Variants in ITGA9 observed in about 807,000 individuals in gnomAD.
ITGA9 encodes the protein integrin subunit alpha 9.
Under a neutral mutation model 127.8 loss-of-function variants are expected in ITGA9, and 56 were observed. The ratio of observed to expected loss-of-function variants is 0.44; its 90% CI spans 0.35 to 0.55. The LOEUF (loss-of-function observed/expected upper bound fraction) is 0.55, where lower values mean the gene tolerates loss of function less well. ITGA9 is among the 20% of genes least tolerant of loss of function. The pLI is 0.00. For synonymous variants in ITGA9, 508 were observed against 514.5 expected, an observed-to-expected ratio of 0.99 and a Z score of 0.17; for missense variants, 1,196 against 1,347.1, an observed-to-expected ratio of 0.89 and a Z score of 1.76.
In ITGA9 at chr3:37,560,286, C is replaced by CT. The variant is rs1303857333; in HGVS notation, c.1689+17707dup. Among the ~76,000 whole-genome samples, 174 of 152,270 alleles carry CT rather than the reference C, an allele frequency of 1.1e-3. 2 individuals are homozygous for CT. The highest frequency in any genetic ancestry group is 1.1e-3 in the Non-Finnish European group (72 of 68,024). On this transcript the variant is annotated intron_variant, in intron 15 of 27. Coordinates refer to ENST00000264741, the MANE Select transcript of ITGA9 (RefSeq NM_002207.3). Reference sequence around the variant, plus strand: ...TCCCTGCAAAGGACATGAACTCATCCTTTTTTATGGCTGCATAGTATTCCA... The same window carrying CT: ...TCCCTGCAAAGGACATGAACTCATCCTTTTTTTATGGCTGCATAGTATTCCA...
intron 14 of ITGA9, among the ~76,000 whole-genome samples, chr3:37,536,322 T>C (rs1348489041): frequency 6.6e-6 from 1 of 152,254 alleles, no homozygotes; most frequent in East Asian, 1.9e-4. Context: ...GTGCCAGCCC[T>C]GGGCAGGCCT....
intron 15 of ITGA9, among the ~76,000 whole-genome samples, chr3:37,551,938 A>C (rs1473111366): frequency 6.6e-6 from 1 of 152,238 alleles, no homozygotes; most frequent in Non-Finnish European, 1.5e-5. Context: ...TCGTGAAGGC[A>C]TAAGACCATG....
intron 15 of ITGA9, among the ~76,000 whole-genome samples, chr3:37,601,248 C>T (rs913374006): frequency 4.6e-5 from 7 of 152,200 alleles, no homozygotes; most frequent in South Asian, 4.1e-4. Flanking sequence ...TTTCTCCCTC[C>T]GTGACATCTT....
At chr3:37,551,524 C>T (rs1277031867) in intron 15 of ITGA9, among the ~76,000 whole-genome samples, 1 of 152,190 alleles carries the variant, frequency 6.6e-6, no homozygotes, top group African/African-American at 2.4e-5. Context: ...AGGGCTGGTC[C>T]TGCCCTTTTC....
At chr3:37,659,426 G>A (rs1052608590) in intron 17 of ITGA9, among the ~76,000 whole-genome samples, 16 of 151,382 alleles carry the variant, frequency 1.1e-4, no homozygotes, top group Non-Finnish European at 1.8e-4. Context: ...ATTTCATTAA[G>A]TTGATTTTCA....
chr3:37,646,553 AG>A (rs1700378661), intron 16 of ITGA9, among the ~76,000 whole-genome samples: 1 of 152,214 alleles, frequency 6.6e-6, no homozygotes, highest in Admixed American at 6.5e-5. Context: ...CCCGAGAGAA[AG>A]GTTTGAACCT....
intron 1 of ITGA9, among the ~76,000 whole-genome samples, chr3:37,466,441 C>T (rs141608535): frequency 0.023 from 3,110 of 135,570 alleles, 106 homozygotes; most frequent in African/African-American, 0.08. Context: ...CGGAGATCGC[C>T]GCACTGCACT....
rs113449348 is a variant in ITGA9 at position 37,588,611 on chromosome 3, T to A, written c.1690-40576T>A. ...AAGAGGGAGATGTGGAGACTGACCT[T>A]GGTCTCACAAACTCATTGCCCCTTG... On this transcript the variant is annotated intron_variant, in intron 15 of 27. Coordinates refer to ENST00000264741, the MANE Select transcript of ITGA9 (RefSeq NM_002207.3). Among the ~76,000 whole-genome samples, 485 of 152,300 alleles carry A rather than the reference T, an allele frequency of 3.2e-3. 3 individuals are homozygous for A. The highest frequency in any genetic ancestry group is 0.011 in the African/African-American group (460 of 41,566).
At chr3:37,789,167 C>A (rs367554021) in intron 26 of ITGA9, among the ~76,000 whole-genome samples, 1 of 152,076 alleles carries the variant, frequency 6.6e-6, no homozygotes, top group Non-Finnish European at 1.5e-5. Context: ...GTCAGCCTTA[C>A]GAGTCAGGAA....
intron 23 of ITGA9, among the ~76,000 whole-genome samples, chr3:37,764,171 G>A (rs1003725574): frequency 3.3e-5 from 5 of 152,078 alleles, no homozygotes; most frequent in Middle Eastern, 3.2e-3. Flanking sequence ...GAGAAGTTGA[G>A]CTATTACCTT....
intron 15 of ITGA9, among the ~76,000 whole-genome samples, chr3:37,608,273 A>T (rs1011792669): frequency 1.3e-5 from 2 of 152,232 alleles, no homozygotes; most frequent in Non-Finnish European, 2.9e-5. Context: ...AAGTGTTAAT[A>T]ATTTACCCAC....
chr3:37,525,790 A>AC (rs1315870010), intron 12 of ITGA9, among the ~76,000 whole-genome samples: 5 of 152,114 alleles, frequency 3.3e-5, no homozygotes, highest in African/African-American at 9.7e-5. Context: ...CACTCACAGC[A>AC]CCTCTCGACT....
intron 15 of ITGA9, among the ~76,000 whole-genome samples, chr3:37,557,429 T>C (rs1202158363): frequency 6.6e-6 from 1 of 152,184 alleles, no homozygotes; most frequent in African/African-American, 2.4e-5. Flanking sequence ...GCGCCCAGGC[T>C]GAGGAAACCC....
intron 14 of ITGA9, among the ~76,000 whole-genome samples, chr3:37,535,605 C>T (rs1699200447): frequency 6.6e-6 from 1 of 152,192 alleles, no homozygotes; most frequent in African/African-American, 2.4e-5. Context: ...CAATGCGAAG[C>T]AACCTGGCTT....
rs573909736 is a variant in ITGA9, at chr3:37,507,962, T to A, written c.829-597T>A. Among the ~76,000 whole-genome samples, 3 of 152,374 alleles carry A rather than the reference T, an allele frequency of 2.0e-5. No individual in the cohort carries two copies. The South Asian group carries it at 6.2e-4, about 32-fold the overall frequency. ...CGTCTTTGCAGTGGCGATGCATAGTTCACATGAACATGCTAAAGGCTCTAA... is the reference window on the plus strand; with the variant it reads ...CGTCTTTGCAGTGGCGATGCATAGTACACATGAACATGCTAAAGGCTCTAA... On this transcript the variant is annotated intron_variant, in intron 7 of 27. Transcript: ENST00000264741.
At chr3:37,756,853 A>C (rs1696657995) in intron 23 of ITGA9, among the ~76,000 whole-genome samples, 1 of 152,248 alleles carries the variant, frequency 6.6e-6, no homozygotes, top group Admixed American at 6.5e-5. Context: ...TAAAAACAAA[A>C]GGTTAGGCAA....
rs1045398799 is a variant in ITGA9, at chr3:37,694,829, A to C, written c.2067+10814A>C. 1.3e-4 allele frequency among the ~76,000 whole-genome samples: 20 copies of C among 152,374 alleles called. No homozygotes were observed. In the East Asian group the frequency reaches 3.9e-3, roughly 29 times the overall value. ...CATCTCTTGAAAAGAAAGCCATGAA[A>C]GACTACTAAGCTAAGGCGAATAAAA... is the stretch of plus-strand genomic sequence containing the variant. On this transcript the variant is annotated intron_variant, in intron 18 of 27. Transcript: ENST00000264741.
intron 15 of ITGA9, among the ~76,000 whole-genome samples, chr3:37,571,227 A>G (rs1272147709): frequency 6.6e-6 from 1 of 152,174 alleles, no homozygotes; most frequent in Non-Finnish European, 1.5e-5. Flanking sequence ...ATCACACACT[A>G]GTTGTCCAAG....
At chr3:37,746,312 C>T (rs911648808) in intron 22 of ITGA9, among the ~76,000 whole-genome samples, 2 of 152,174 alleles carry the variant, frequency 1.3e-5, no homozygotes, top group African/African-American at 4.8e-5. Flanking sequence ...TGCCATTGTA[C>T]ACAGGAGAAA....
Sources: gnomAD v4.1 joint callset for allele counts (sites outside exome capture counted in the v4.1 genomes callset) on GRCh38, gnomAD v4.1.1 for gene constraint, MANE v1.5 for transcripts, NCBI Gene and HGNC (gene_info 2026-07-23, HGNC 2026-07-21) for gene names.